The following PTPRR variants were observed in gnomAD, a reference collection of about 807,000 sequenced individuals.
The protein encoded by PTPRR is receptor-type tyrosine-protein phosphatase R.
PTPRR carries 38 observed loss-of-function variants against 77.2 expected under a neutral mutation model. The ratio of observed to expected loss-of-function variants is 0.49; its 90% confidence interval spans 0.38 to 0.65. PTPRR has a LOEUF of 0.65. PTPRR is among the 30% of genes least tolerant of loss of function. The pLI is 0.00. For synonymous variants in PTPRR, 299 were observed against 283.1 expected (o/e 1.06, Z -0.57); for missense variants, 744 against 799.2 (o/e 0.93, Z 0.83).
chr12:70,780,775 T>G (rs1404235780), intron 2 of PTPRR, among the ~76,000 whole-genome samples: 2 of 152,222 alleles, frequency 1.3e-5, no homozygotes, highest in African/African-American at 4.8e-5. Flanking sequence ...AATATAATAA[T>G]ATTCCTGGAT....
chr12:70,691,757 C>T (rs1433429699), intron 8 of PTPRR, among the ~76,000 whole-genome samples: 1 of 152,112 alleles, frequency 6.6e-6, no homozygotes, highest in Non-Finnish European at 1.5e-5. Context: ...GTTCTGTCTC[C>T]TAAAATACGC....
intron 6 of PTPRR, among the ~76,000 whole-genome samples, chr12:70,715,448 T>C (rs1163563583): frequency 6.6e-6 from 1 of 152,176 alleles, no homozygotes; most frequent in Non-Finnish European, 1.5e-5. Context: ...GACAGGGTTT[T>C]GAGAGCAACC....
chr12:70,662,616 G>C lies in PTPRR; in HGVS notation c.1498-11C>G. On this transcript the variant is annotated splice_polypyrimidine_tract_variant and intron_variant, in intron 10 of 13. Transcript: ENST00000283228. ...GTATAGCACACATTTCTGGAGGAAGGGAAAGAGAATACAGCAAATATTAAT... is the reference window on the plus strand; with the variant it reads ...GTATAGCACACATTTCTGGAGGAAGCGAAAGAGAATACAGCAAATATTAAT... 7.8e-6 allele frequency: 12 copies of C among 1,529,406 alleles called. No individual in the cohort carries two copies. Among genetic ancestry groups the C allele is most frequent in the Non-Finnish European group, 1.1e-5 (12 of 1,108,500 alleles). 94.7% of individuals were successfully genotyped at this position (1,529,406 alleles called of 1,614,324 possible).
At chr12:70,701,389 T>C in intron 6 of PTPRR, 66 bp from the exon 7 acceptor site, 2 of 1,414,352 alleles carry the variant, frequency 1.4e-6, no homozygotes, top group Non-Finnish European at 2.0e-6. Context: ...AACTTGTCTT[T>C]CTGTACATGC....
Position 70,762,675 on chromosome 12 carries a change from A to G in PTPRR, c.472-1049T>C, listed in dbSNP as rs371621685. Among the ~76,000 whole-genome samples, 10 of 152,306 alleles carry G rather than the reference A, an allele frequency of 6.6e-5. No individual in the cohort carries two copies. In the East Asian group the frequency reaches 1.5e-3, roughly 23 times the overall value. The stretch of plus-strand genomic sequence containing the variant: ...TTACCTTAAATCTTTTATCTCATTT[A>G]TTGCTCAAAACACCGCTAAGCGATA... On this transcript the variant is annotated intron_variant, in intron 3 of 13. Transcript: ENST00000283228.
Position 70,843,838 on chromosome 12 carries a change from A to G in PTPRR, c.357+48841T>C, listed in dbSNP as rs866170356. Among the ~76,000 whole-genome samples the G allele has an allele frequency of 2.4e-3, 317 of 131,508 alleles. 1 individual carries two copies. Among genetic ancestry groups the G allele is most frequent in the Middle Eastern group, 8.4e-3 (2 of 238 alleles). 86.3% of individuals were successfully genotyped at this position (131,508 alleles called of 152,430 possible). ...TTTTTTTTTTTTTTTTTTTTGAGAG[A>G]GAGTTTCACTCTTGTTGCCCAGGCT... is the stretch of plus-strand genomic sequence containing the variant. On this transcript the variant is annotated intron_variant, in intron 2 of 13. Transcript: ENST00000283228.
chr12:70,726,985 G>A (rs955071034), intron 6 of PTPRR, among the ~76,000 whole-genome samples: 2 of 152,038 alleles, frequency 1.3e-5, no homozygotes, highest in Non-Finnish European at 2.9e-5. Context: ...AGAGAAGGGG[G>A]AAAGTGGAAT....
At chr12:70,832,592 T>C (rs1418387218) in intron 2 of PTPRR, among the ~76,000 whole-genome samples, 1 of 152,082 alleles carries the variant, frequency 6.6e-6, no homozygotes, top group Non-Finnish European at 1.5e-5. Context: ...TTTACATTTA[T>C]ATTAGAATGG....
chr12:70,920,232 G>C, intron 1 of PTPRR, 101 bp downstream of exon 1: 1 of 1,315,410 alleles, frequency 7.6e-7, no homozygotes, highest in Non-Finnish European at 1.1e-6. Flanking sequence ...TACCTTTTTA[G>C]AAAGGCTTTC....
chr12:70,648,238 T>TA (rs547964832), intron 13 of PTPRR, among the ~76,000 whole-genome samples: 36 of 152,056 alleles, frequency 2.4e-4, no homozygotes, highest in Non-Finnish European at 4.6e-4. Context: ...GGCTAGATTT[T>TA]AAAAAAAAAC....
chr12:70,729,138 A>C (rs1272461156), intron 6 of PTPRR, among the ~76,000 whole-genome samples: 1 of 152,144 alleles, frequency 6.6e-6, no homozygotes, highest in African/African-American at 2.4e-5. Context: ...AGATTATAGA[A>C]ATATATACTA....
chr12:70,767,534 A>G (rs555279943), intron 2 of PTPRR, among the ~76,000 whole-genome samples: 2 of 152,102 alleles, frequency 1.3e-5, no homozygotes, highest in African/African-American at 4.8e-5. Flanking sequence ...AGTGACCTAC[A>G]AAGAGACTTA....
chr12:70,872,205 A>T (rs1206615656), intron 2 of PTPRR, among the ~76,000 whole-genome samples: 1 of 152,130 alleles, frequency 6.6e-6, no homozygotes, highest in East Asian at 1.9e-4. Flanking sequence ...CTTTTATTTC[A>T]TGCTTGTAAA....
At chr12:70,764,576 G>C in intron 3 of PTPRR, 89 bp downstream of exon 3, 1 of 1,064,456 alleles carries the variant, frequency 9.4e-7, no homozygotes, top group South Asian at 1.3e-5. Flanking sequence ...TGGCTCATTA[G>C]CCATACAACT....
At chr12:70,694,794 C>G (rs1233240430) in intron 8 of PTPRR, among the ~76,000 whole-genome samples, 1 of 152,034 alleles carries the variant, frequency 6.6e-6, no homozygotes, top group South Asian at 2.1e-4. Flanking sequence ...ACAGGTACCC[C>G]CTGAATCTAA....
intron 9 of PTPRR, 45 bp from the exon 10 acceptor site, chr12:70,684,309 C>A (rs764159281): frequency 3.0e-5 from 47 of 1,584,284 alleles, no homozygotes; most frequent in Non-Finnish European, 4.0e-5. Flanking sequence ...TAAGTTCATG[C>A]CTTGCAGTGA....
At chr12:70,835,863 C>G (rs1892293416) in intron 2 of PTPRR, among the ~76,000 whole-genome samples, 1 of 151,896 alleles carries the variant, frequency 6.6e-6, no homozygotes, top group Non-Finnish European at 1.5e-5. Context: ...TTTTACTCTC[C>G]CCAGTACACT....
At chr12:70,809,179 C>A (rs561939583) in intron 2 of PTPRR, among the ~76,000 whole-genome samples, 1 of 152,252 alleles carries the variant, frequency 6.6e-6, no homozygotes, top group East Asian at 1.9e-4. Context: ...AAAAGACAGG[C>A]AGTAGAAGGG....
At chr12:70,681,532 G>A (rs1262652279) in intron 10 of PTPRR, among the ~76,000 whole-genome samples, 1 of 152,186 alleles carries the variant, frequency 6.6e-6, no homozygotes, top group Non-Finnish European at 1.5e-5. Flanking sequence ...TGGCTGGGGA[G>A]ATGGCGGTGT....
Sources: allele counts gnomAD v4.1 joint callset (sites outside exome capture counted in the v4.1 genomes callset), GRCh38; gene constraint gnomAD v4.1.1; transcripts MANE v1.5; gene names NCBI Gene and HGNC (gene_info 2026-07-23, HGNC 2026-07-21).